The following MTMR12 variants were observed in gnomAD, a reference collection of about 807,000 sequenced individuals.
MTMR12 encodes myotubularin related protein 12, also known as myotubularin-related protein 12.
In MTMR12, 33 loss-of-function variants were observed where a neutral mutation model predicts 96.7. That is an observed-to-expected ratio of 0.34 (90% CI 0.26 to 0.46). The LOEUF is 0.46. Among genes scored for constraint, MTMR12 ranks in the 20% least tolerant of loss-of-function variants. MTMR12 has a pLI of 1.00. For missense variants in MTMR12, 721 were observed against 896.1 expected, an observed-to-expected ratio of 0.80 and a Z score of 2.49; for synonymous variants, 298 against 327.2, an observed-to-expected ratio of 0.91 and a Z score of 0.96.
intron 1 of MTMR12, among the ~76,000 whole-genome samples, chr5:32,290,379 G>A (rs1056334495): frequency 6.6e-6 from 1 of 152,134 alleles, no homozygotes; most frequent in Non-Finnish European, 1.5e-5. Context: ...TCATGTCAGA[G>A]GATGGGAACT....
chr5:32,268,824 T>C (rs150117971), intron 5 of MTMR12, 30 bp from the exon 6 acceptor site: 38 of 1,566,844 alleles, frequency 2.4e-5, no homozygotes, highest in Middle Eastern at 1.7e-4. Context: ...TGGATATAGT[T>C]ATGGTTTTGA....
At chr5:32,263,738 A>G (rs1749472910) in intron 6 of MTMR12, among the ~76,000 whole-genome samples, 1 of 152,184 alleles carries the variant, frequency 6.6e-6, no homozygotes, top group Non-Finnish European at 1.5e-5. Flanking sequence ...GCGCCAGGCC[A>G]GCTGTCTTTT....
intron 1 of MTMR12, among the ~76,000 whole-genome samples, chr5:32,302,703 G>A (rs1043046778): frequency 6.7e-6 from 1 of 148,686 alleles, no homozygotes; most frequent in Non-Finnish European, 1.5e-5. Context: ...CAGCCCAGGC[G>A]ACAGAGCAAG....
intron 15 of MTMR12, among the ~76,000 whole-genome samples, chr5:32,232,731 A>C (rs771827328): frequency 9.9e-5 from 15 of 152,246 alleles, no homozygotes; most frequent in Non-Finnish European, 1.6e-4. Context: ...TCAGCCAGAA[A>C]GGGGAAACTC....
intron 1 of MTMR12, among the ~76,000 whole-genome samples, chr5:32,281,899 C>CAA (rs201071153): frequency 0.29 from 35,341 of 120,900 alleles, 4,906 homozygotes; most frequent in Middle Eastern, 0.48. Context: ...GACTCCGTCT[C>CAA]AAAAAAAAAA....
At chr5:32,294,309 T>C (rs1454474946) in intron 1 of MTMR12, among the ~76,000 whole-genome samples, 2 of 145,680 alleles carry the variant, frequency 1.4e-5, no homozygotes, top group East Asian at 2.0e-4. Context: ...CCTTTTTTCC[T>C]TTTTTTTTTT....
Position 32,312,399 on chromosome 5 carries a change from C to T in MTMR12, c.81+359G>A, listed in dbSNP as rs1008285670. 3.3e-5 allele frequency among the ~76,000 whole-genome samples: 5 copies of T among 152,216 alleles called. No homozygotes were observed. Among genetic ancestry groups the T allele is most frequent in the Admixed American group, 6.5e-5 (1 of 15,284 alleles). Reference sequence around the variant, plus strand: ...GGACCCACGCGGGCTCCGAGCAGGCCCCGTTGGGGGCTCCGACCCACGGCC... The same window carrying T: ...GGACCCACGCGGGCTCCGAGCAGGCTCCGTTGGGGGCTCCGACCCACGGCC... On this transcript the variant is annotated intron_variant, in intron 1 of 15. Transcript: ENST00000382142. The surrounding 1 kb of genome is among the most constrained non-coding windows in gnomAD (Gnocchi z 5.0).
At chr5:32,273,924 C>A (rs570703853) in intron 3 of MTMR12, 56 bp downstream of exon 3, 1 of 1,601,638 alleles carries the variant, frequency 6.2e-7, no homozygotes, top group Admixed American at 1.7e-5. Flanking sequence ...AAAAAGACAA[C>A]GGAACCACAA....
intron 13 of MTMR12, among the ~76,000 whole-genome samples, chr5:32,236,117 G>A (rs1402944877): frequency 1.3e-5 from 2 of 152,126 alleles, no homozygotes; most frequent in Admixed American, 1.3e-4. Flanking sequence ...CAATGTATAG[G>A]CAGGGCAATA....
In MTMR12 at chr5:32,230,149, C is replaced by T. The variant is rs1429657306; in HGVS notation, c.1873G>A (p.Gly625Ser). 3.1e-6 allele frequency: 5 copies of T among 1,614,112 alleles called. No homozygotes were observed. The highest frequency in any genetic ancestry group is 4.2e-6 in the Non-Finnish European group (5 of 1,179,992). Residue 625 changes from glycine (G) to serine (S), a missense_variant, in exon 16 of 16, where the codon GGT (glycine) becomes AGT (serine). Gly to Ser is a moderately conservative substitution (Grantham distance 56). Transcript: ENST00000382142. ...CCCTCGATATGCGGTAACAACAAAC[C>T]ATGGTAGTCAGTGGACTTGCTATGC... ...SWHSKSTDYH[G>S]LLLPHIEGPE...
At chr5:32,264,598 T>C (rs915554103) in intron 6 of MTMR12, among the ~76,000 whole-genome samples, 4 of 152,066 alleles carry the variant, frequency 2.6e-5, no homozygotes, top group Non-Finnish European at 5.9e-5. Context: ...ATAGCTGGGA[T>C]TATAGGCACC....
intron 1 of MTMR12, among the ~76,000 whole-genome samples, chr5:32,291,896 T>A (rs1750750467): frequency 6.6e-6 from 1 of 152,186 alleles, no homozygotes. Flanking sequence ...CAGAGGTTTG[T>A]CTTCACTGCA....
intron 6 of MTMR12, among the ~76,000 whole-genome samples, chr5:32,265,855 A>C (rs1581615470): frequency 6.6e-6 from 1 of 152,358 alleles, no homozygotes; most frequent in Admixed American, 6.5e-5. Flanking sequence ...TTTTAAAATA[A>C]GAAAGCAGAG....
chr5:32,289,698 T>C (rs1036164414), intron 1 of MTMR12, among the ~76,000 whole-genome samples: 2 of 152,190 alleles, frequency 1.3e-5, no homozygotes, highest in Non-Finnish European at 2.9e-5. Flanking sequence ...AGACTCATCC[T>C]GTTATTTCCC....
chr5:32,254,316 A>G (rs1749059707), intron 8 of MTMR12, among the ~76,000 whole-genome samples: 2 of 152,196 alleles, frequency 1.3e-5, no homozygotes, highest in South Asian at 4.1e-4. Context: ...TTTTGGTACA[A>G]AAGCAGTGGT....
In MTMR12 at chr5:32,253,620, G is replaced by A. The variant is rs115491042; in HGVS notation, c.789+2073C>T. On this transcript the variant is annotated intron_variant, in intron 8 of 15. Coordinates refer to ENST00000382142, the MANE Select transcript of MTMR12 (RefSeq NM_001040446.3). The stretch of plus-strand genomic sequence containing the variant: ...AATGAAGTGAGAACACGTTCTCACA[G>A]TTTTCTTTTCTTTTCTTTCTGAGAC... Among the ~76,000 whole-genome samples, 558 of 152,258 alleles carry A rather than the reference G, an allele frequency of 3.7e-3. 1 individual carries two copies. The highest frequency in any genetic ancestry group is 5.7e-3 in the Non-Finnish European group (389 of 68,014).
chr5:32,308,201 A>G (rs1751431418), intron 1 of MTMR12, among the ~76,000 whole-genome samples: 1 of 152,148 alleles, frequency 6.6e-6, no homozygotes, highest in African/African-American at 2.4e-5. Context: ...GCACGCCTGT[A>G]GTCCCAGCTA....
chr5:32,249,043 G>A (rs1748807171), intron 8 of MTMR12, among the ~76,000 whole-genome samples, 165 bp from the exon 9 acceptor site: 1 of 152,122 alleles, frequency 6.6e-6, no homozygotes, highest in Admixed American at 6.6e-5. Flanking sequence ...CAATGAAAAA[G>A]AATGATTTAG....
At chr5:32,257,996 G>A (rs1007683066) in intron 7 of MTMR12, among the ~76,000 whole-genome samples, 1 of 152,034 alleles carries the variant, frequency 6.6e-6, no homozygotes, top group Non-Finnish European at 1.5e-5. Context: ...GCATAGTGGC[G>A]GGCACCTATG....
Sources: allele counts gnomAD v4.1 joint callset (sites outside exome capture counted in the v4.1 genomes callset), GRCh38; gene constraint gnomAD v4.1.1; non-coding constraint Gnocchi (gnomAD v3.1); transcripts MANE v1.5; gene names NCBI Gene and HGNC (gene_info 2026-07-23, HGNC 2026-07-21).